NSMAF: variants seen among roughly 807,000 people sequenced by gnomAD.
NSMAF encodes the protein neutral sphingomyelinase activation associated factor, also known as protein FAN.
A neutral mutation model predicts 134.9 loss-of-function variants in NSMAF; 90 were observed. The observed-to-expected ratio is 0.67, with a 90% CI of 0.56 to 0.79. NSMAF has a LOEUF of 0.79. Among genes scored for constraint, NSMAF ranks in the 30% least tolerant of loss-of-function variants. The pLI is 0.00. For synonymous variants in NSMAF, 358 were observed against 389.6 expected (o/e 0.92, Z 0.96); for missense variants, 1,010 against 1,119.0 (o/e 0.90, Z 1.39).
intron 5 of NSMAF, 58 bp downstream of exon 5, chr8:58,635,131 A>C (rs1465588820): frequency 8.0e-7 from 1 of 1,246,962 alleles, no homozygotes; most frequent in Admixed American, 1.8e-5. Flanking sequence ...AATTTCATTC[A>C]TGCACATATA....
intron 6 of NSMAF, among the ~76,000 whole-genome samples, chr8:58,628,290 A>G (rs180829573): frequency 1.3e-5 from 2 of 152,316 alleles, no homozygotes; most frequent in East Asian, 3.9e-4. Flanking sequence ...ATTCTACATG[A>G]TAATATTGGA....
intron 6 of NSMAF, among the ~76,000 whole-genome samples, chr8:58,627,668 T>C (rs895085790): frequency 2.0e-5 from 3 of 152,100 alleles, no homozygotes; most frequent in East Asian, 3.9e-4. Flanking sequence ...GGAGGTAAAA[T>C]AGCTCTACAA....
At chr8:58,585,316 GGTT>G (rs1464148864) in intron 30 of NSMAF, among the ~76,000 whole-genome samples, 2 of 141,446 alleles carry the variant, frequency 1.4e-5, no homozygotes, top group African/African-American at 5.7e-5. Flanking sequence ...ATTGTTTCTG[GGTT>G]TTTTTTTTTT....
rs1805823827 is a variant in NSMAF, at chr8:58,583,850, C to T, written c.*256G>A. 2.2e-6 allele frequency: 1 copy of T among 457,278 alleles called. No individual in the cohort carries two copies. Among genetic ancestry groups the T allele is most frequent in the Admixed American group, 3.8e-5 (1 of 26,206 alleles). The allele number at this position is 457,278 out of a possible 1,614,324, so 28.3% of individuals were successfully genotyped here. On this transcript the variant is annotated 3_prime_UTR_variant, in exon 31 of 31. Transcript: ENST00000038176. ...CTACTTAGTCCTGTCTTCTGACAAT[C>T]ATCATACGGGGACGATCATCTGCCT...
chr8:58,644,286 A>C (rs150150191), intron 1 of NSMAF, among the ~76,000 whole-genome samples: 130 of 152,244 alleles, frequency 8.5e-4, no homozygotes, highest in African/African-American at 3.0e-3. Flanking sequence ...AGGCTAAAGC[A>C]AATTGGAGAG....
At chr8:58,652,882 A>G (rs1159172483) in intron 1 of NSMAF, among the ~76,000 whole-genome samples, 1 of 152,248 alleles carries the variant, frequency 6.6e-6, no homozygotes, top group Non-Finnish European at 1.5e-5. Flanking sequence ...GATCAGAGGA[A>G]CTTCTAAAGG....
chr8:58,620,646 T>C (rs753082941), intron 9 of NSMAF, among the ~76,000 whole-genome samples: 5 of 152,214 alleles, frequency 3.3e-5, no homozygotes, highest in Non-Finnish European at 7.3e-5. Context: ...TTTGATATTG[T>C]CAATGAAAGA....
At chr8:58,646,540 C>T (rs1164445850) in intron 1 of NSMAF, among the ~76,000 whole-genome samples, 1 of 152,144 alleles carries the variant, frequency 6.6e-6, no homozygotes, top group African/African-American at 2.4e-5. Flanking sequence ...ATGTAAAACA[C>T]ACAGTGAAGG....
At chr8:58,644,964 G>A (rs4737505) in intron 1 of NSMAF, among the ~76,000 whole-genome samples, 9,390 of 152,092 alleles carry the variant, frequency 0.062, 760 homozygotes, top group East Asian at 0.24. Context: ...ACCTGTTGGC[G>A]GGGTGGGGAG....
chr8:58,601,148 G>A, intron 16 of NSMAF, 137 bp downstream of exon 16: 1 of 711,100 alleles, frequency 1.4e-6, no homozygotes, highest in Non-Finnish European at 2.4e-6. Context: ...GAAAAAGCCT[G>A]AGAGGAATAG....
At chr8:58,651,692 G>T (rs1239157317) in intron 1 of NSMAF, among the ~76,000 whole-genome samples, 1 of 152,188 alleles carries the variant, frequency 6.6e-6, no homozygotes, top group Non-Finnish European at 1.5e-5. Context: ...GTTAAAGAAG[G>T]AAGTTCAGTT....
At chr8:58,627,037 CT>C (rs1373170015) in intron 6 of NSMAF, among the ~76,000 whole-genome samples, 1 of 152,008 alleles carries the variant, frequency 6.6e-6, no homozygotes, top group Non-Finnish European at 1.5e-5. Context: ...TGTTCTTTGC[CT>C]ACTTCTTGAT....
chr8:58,620,527 AT>A (rs1382530962), intron 9 of NSMAF, among the ~76,000 whole-genome samples: 1 of 152,162 alleles, frequency 6.6e-6, no homozygotes, highest in Non-Finnish European at 1.5e-5. Flanking sequence ...TTTTATTTAT[AT>A]TTTTAATGGC....
At chr8:58,588,757 T>C in intron 26 of NSMAF, 5 of 1,325,136 alleles carry the variant, frequency 3.8e-6, no homozygotes, top group Non-Finnish European at 5.4e-6. Flanking sequence ...CCTTCTTTTC[T>C]TTGTCATCTT....
chr8:58,623,309 T>C (rs1276128231), intron 8 of NSMAF, 37 bp from the exon 9 acceptor site: 1 of 1,336,238 alleles, frequency 7.5e-7, no homozygotes, highest in Admixed American at 1.8e-5. Context: ...TATTTATAAG[T>C]ATTTATAAGT....
intron 28 of NSMAF, 105 bp downstream of exon 28, chr8:58,586,353 G>T (rs1805884692): frequency 1.7e-6 from 2 of 1,178,202 alleles, no homozygotes; most frequent in Non-Finnish European, 2.4e-6. Flanking sequence ...AGCAAATAGT[G>T]TTTTTCTTTG....
At chr8:58,609,577 C>A in intron 10 of NSMAF, 27 bp downstream of exon 10, 1 of 1,613,088 alleles carries the variant, frequency 6.2e-7, no homozygotes, top group Non-Finnish European at 8.5e-7. Context: ...ATGGGCAGCT[C>A]CCCACCTGAC....
intron 1 of NSMAF, among the ~76,000 whole-genome samples, chr8:58,650,860 A>T (rs1807566603): frequency 6.6e-6 from 1 of 152,246 alleles, no homozygotes; most frequent in African/African-American, 2.4e-5. Flanking sequence ...GATTTCACTA[A>T]GCATTTCAGC....
intron 1 of NSMAF, among the ~76,000 whole-genome samples, chr8:58,658,822 A>G (rs1386242232): frequency 6.6e-6 from 1 of 152,184 alleles, no homozygotes; most frequent in African/African-American, 2.4e-5. Context: ...CTGTGAGACC[A>G]TTTTAGCTCA....
Sources: gnomAD v4.1 joint callset for allele counts (sites outside exome capture counted in the v4.1 genomes callset) on GRCh38, gnomAD v4.1.1 for gene constraint, MANE v1.5 for transcripts, NCBI Gene and HGNC (gene_info 2026-07-23, HGNC 2026-07-21) for gene names.